Variants in NGLY1 observed in about 807,000 individuals in gnomAD.
NGLY1 encodes N-glycanase 1.
A neutral mutation model predicts 84.6 loss-of-function variants in NGLY1; 68 were observed. That is an observed-to-expected ratio of 0.80 (90% CI 0.66 to 0.98). NGLY1 has a LOEUF of 0.98. Ranked by LOEUF, NGLY1 falls within the 50% of genes least tolerant of loss-of-function variation. The pLI, the probability that NGLY1 is intolerant of heterozygous loss-of-function variation, is 0.00. For missense variants in NGLY1, 779 were observed against 770.2 expected, an observed-to-expected ratio of 1.01 and a Z score of -0.14; for synonymous variants, 280 against 275.2, an observed-to-expected ratio of 1.02 and a Z score of -0.17.
In NGLY1 at chr3:25,737,358, C is replaced by A; in HGVS notation, c.979G>T (p.Ala327Ser). 1.2e-6 allele frequency: 2 copies of A among 1,613,534 alleles called. No individual in the cohort carries two copies. The highest frequency in any genetic ancestry group is 1.7e-6 in the Non-Finnish European group (2 of 1,179,798). ...TLCCRAVGFE[A>S]RYVWDYTDHV... ...CCTGTGTAATCCCAAACATAGCGAG[C>A]TTCAAACCCTACAGCTCGGCAGCAC... The change falls in exon 6 of 12, where the codon GCT becomes TCT. Residue 327 changes from alanine (A) to serine (S), a missense_variant. By Grantham distance (99) the Ala-to-Ser change is moderately conservative. Coordinates refer to ENST00000280700, the MANE Select transcript of NGLY1 (RefSeq NM_018297.4).
chr3:25,780,016 G>C (rs373647574), intron 1 of NGLY1, among the ~76,000 whole-genome samples: 1 of 152,122 alleles, frequency 6.6e-6, no homozygotes, highest in Admixed American at 6.5e-5. Context: ...TGAATGTTCG[G>C]TATACAGCAA....
At position 25,739,567 on chromosome 3, in the gene NGLY1, G is replaced by A. The variant is rs780077758; in HGVS notation, c.881+10C>T. ...GAGATTATTCTGATTTTACCATCCA[G>A]GGCACCCACCTTGGGAATCGATTGC... On this transcript the variant is annotated intron_variant, in intron 5 of 11. Transcript: ENST00000280700. 46 of 1,612,848 alleles carry A rather than the reference G, an allele frequency of 2.9e-5. No homozygotes were observed. The highest frequency in any genetic ancestry group is 1.7e-4 in the Middle Eastern group (1 of 6,058).
intron 10 of NGLY1, among the ~76,000 whole-genome samples, chr3:25,727,783 C>A (rs1312070910): frequency 6.6e-6 from 1 of 152,164 alleles, no homozygotes; most frequent in South Asian, 2.1e-4. Context: ...TGGCATATCA[C>A]ATCTTCTGTA....
Position 25,720,170 on chromosome 3 carries a change from C to A in NGLY1, c.1633G>T (p.Gly545Ter). ...WHMVYLARKE[G>*]SSFAYISWKF... is the part of the protein sequence containing the mutation. The stretch of plus-strand genomic sequence containing the variant: ...CAGGAAATATAAGCAAAAGATGATC[C>A]TTCCTTTCGGGCCAAATATACCTAT... Residue 545 changes from glycine to a stop codon, truncating the protein, a stop_gained, in exon 11 of 12, where the codon GGA (glycine) becomes TGA (stop). Transcript: ENST00000280700. LOFTEE classifies it high-confidence loss of function. 6.2e-7 allele frequency: 1 copy of A among 1,613,686 alleles called. No individual in the cohort carries two copies. The highest frequency in any genetic ancestry group is 8.5e-7 in the Non-Finnish European group (1 of 1,179,768).
chr3:25,781,179 A>G (rs953179939), intron 1 of NGLY1, among the ~76,000 whole-genome samples: 15 of 152,012 alleles, frequency 9.9e-5, no homozygotes, highest in Admixed American at 9.8e-4. Flanking sequence ...TCAAACTCCT[A>G]AGCTCAAGCA....
intron 3 of NGLY1, among the ~76,000 whole-genome samples, chr3:25,762,154 CAA>C (rs879562043): frequency 1.4e-5 from 2 of 140,594 alleles, no homozygotes; most frequent in Non-Finnish European, 1.6e-5. Flanking sequence ...TAGTTTTAAC[CAA>C]AAAAAAAAAA....
At chr3:25,754,789 T>TC (rs1706947291) in intron 3 of NGLY1, 2 of 43,996 alleles carry the variant, frequency 4.5e-5, no homozygotes, top group East Asian at 4.1e-4. Context: ...TGACTCGTGC[T>TC]TTTTTTTTTT....
intron 4 of NGLY1, 53 bp from the exon 5 acceptor site, chr3:25,739,852 T>C: frequency 1.6e-6 from 2 of 1,285,486 alleles, no homozygotes; most frequent in Non-Finnish European, 2.2e-6. Flanking sequence ...AAATTTAAAC[T>C]ATCCAAACAT....
chr3:25,755,797 A>C (rs2125526215), intron 3 of NGLY1: 1 of 615,482 alleles, frequency 1.6e-6, no homozygotes, highest in East Asian at 2.8e-5. Flanking sequence ...ATATTAGTTA[A>C]AACTGTTAGA....
chr3:25,781,046 C>T (rs1460717653), intron 1 of NGLY1, among the ~76,000 whole-genome samples: 1 of 151,822 alleles, frequency 6.6e-6, no homozygotes, highest in Non-Finnish European at 1.5e-5. Flanking sequence ...TGATTATGGG[C>T]TCAAGCCATC....
chr3:25,771,808 GTTGAGTTCTTGATTCTCAGC>G (rs2125307218), intron 2 of NGLY1, among the ~76,000 whole-genome samples: 1 of 152,252 alleles, frequency 6.6e-6, no homozygotes, highest in South Asian at 2.1e-4. Flanking sequence ...TGTAAAAGGA[GTTGAGTTCTTGATTCTCAGC>G]TTGGTCGCTG....
At chr3:25,745,513 C>T (rs1706374073) in intron 4 of NGLY1, among the ~76,000 whole-genome samples, 1 of 152,196 alleles carries the variant, frequency 6.6e-6, no homozygotes, top group South Asian at 2.1e-4. Context: ...TTTCTACTGA[C>T]TCCTTTAATT....
chr3:25,752,791 C>T (rs1306783489), intron 3 of NGLY1, among the ~76,000 whole-genome samples: 1 of 151,594 alleles, frequency 6.6e-6, no homozygotes, highest in Non-Finnish European at 1.5e-5. Flanking sequence ...CCAGCCTGGG[C>T]AATGTAGTCT....
chr3:25,719,696 T>C, intron 11 of NGLY1, 61 bp from the exon 12 acceptor site: 1 of 1,356,168 alleles, frequency 7.4e-7, no homozygotes, highest in Non-Finnish European at 1.0e-6. Flanking sequence ...GCACAGATCA[T>C]TTTGAAATGT....
At chr3:25,741,987 G>A (rs1305716012) in intron 4 of NGLY1, among the ~76,000 whole-genome samples, 1 of 152,042 alleles carries the variant, frequency 6.6e-6, no homozygotes, top group Non-Finnish European at 1.5e-5. Flanking sequence ...GGCGACAACA[G>A]CAAAACTCTG....
intron 9 of NGLY1, chr3:25,730,400 A>G (rs1195348302): frequency 1.3e-5 from 2 of 152,158 alleles, no homozygotes; most frequent in Non-Finnish European, 2.9e-5. Context: ...AGAAACTTAA[A>G]AAAAATTTCA....
At chr3:25,749,515 C>G (rs1706616856) in intron 4 of NGLY1, 4 of 1,580,016 alleles carry the variant, frequency 2.5e-6, no homozygotes, top group Non-Finnish European at 3.4e-6. Context: ...CCTTGTGAAG[C>G]CCAAGATCAT....
At chr3:25,759,690 GA>G (rs1344432624) in intron 3 of NGLY1, among the ~76,000 whole-genome samples, 1 of 152,152 alleles carries the variant, frequency 6.6e-6, no homozygotes, top group African/African-American at 2.4e-5. Flanking sequence ...AGTTAATTGA[GA>G]GACTAAAGTT....
In NGLY1 at chr3:25,751,186, A is replaced by C; in HGVS notation, c.570T>G (p.Leu190=). 1 of 1,613,754 alleles carries C rather than the reference A, an allele frequency of 6.2e-7. No homozygotes were observed. Among genetic ancestry groups the C allele is most frequent in the Non-Finnish European group, 8.5e-7 (1 of 1,179,836 alleles). ...QHVLVYENPA[L]QEKALACIPV... ...GAATACAAGCCAACGCTTTCTCCTG[A>C]AGAGCAGGATTTTCATAGACCAGCA... Residue 190 remains leucine, a synonymous_variant, in exon 4 of 12, where the codon CTT becomes CTG. Transcript: ENST00000280700.
Sources: gnomAD v4.1 joint callset for allele counts (sites outside exome capture counted in the v4.1 genomes callset) on GRCh38, gnomAD v4.1.1 for gene constraint, MANE v1.5 for transcripts, NCBI Gene and HGNC (gene_info 2026-07-23, HGNC 2026-07-21) for gene names.